Variants in TACR3 observed in about 807,000 individuals in gnomAD.
TACR3 encodes tachykinin receptor 3, also known as neuromedin-K receptor.
In TACR3, 34 loss-of-function variants were observed where a neutral mutation model predicts 35.0. That is an observed-to-expected ratio of 0.97 (90% CI 0.74 to 1.30). The LOEUF is 1.30. Among genes scored for constraint, TACR3 ranks in the 50% most tolerant of loss-of-function variants. The pLI, the probability that TACR3 is intolerant of heterozygous loss-of-function variation, is 0.00. For synonymous variants in TACR3, 233 were observed against 221.1 expected, an observed-to-expected ratio of 1.05 and a Z score of -0.48; for missense variants, 558 against 591.7, an observed-to-expected ratio of 0.94 and a Z score of 0.59.
chr4:103,630,514 G>T (rs1725033205), intron 3 of TACR3, among the ~76,000 whole-genome samples: 1 of 152,092 alleles, frequency 6.6e-6, no homozygotes, highest in South Asian at 2.1e-4. Context: ...TCAAAAAGTG[G>T]GCAAGGGATA....
At chr4:103,710,515 A>G (rs1722920766) in intron 1 of TACR3, among the ~76,000 whole-genome samples, 1 of 152,176 alleles carries the variant, frequency 6.6e-6, no homozygotes, top group Non-Finnish European at 1.5e-5. Context: ...AATTTATACC[A>G]CTAAATGCCC....
At position 103,602,448 on chromosome 4, in the gene TACR3, G is replaced by A. The variant is rs185287044; in HGVS notation, c.889-10765C>T. On this transcript the variant is annotated intron_variant, in intron 3 of 4. Coordinates refer to ENST00000304883, the MANE Select transcript of TACR3 (RefSeq NM_001059.3). ...GGTGAGGAGCTGTGTTCCTTTGGAGGAGGAGAGGTGCTCTGCTTTTTAGAG... is the reference window on the plus strand; with the variant it reads ...GGTGAGGAGCTGTGTTCCTTTGGAGAAGGAGAGGTGCTCTGCTTTTTAGAG... 4.0e-4 allele frequency among the ~76,000 whole-genome samples: 60 copies of A among 151,872 alleles called. No individual in the cohort carries two copies. The East Asian group carries it at 0.011, about 29-fold the overall frequency.
chr4:103,603,678 G>T (rs564507118), intron 3 of TACR3, among the ~76,000 whole-genome samples: 5 of 152,152 alleles, frequency 3.3e-5, no homozygotes, highest in African/African-American at 9.7e-5. Context: ...AATCCTTTGG[G>T]TATATACCCA....
chr4:103,627,352 T>TAAAAATACAAAAAA (rs1271100817), intron 3 of TACR3, among the ~76,000 whole-genome samples: 2 of 82,490 alleles, frequency 2.4e-5, no homozygotes, highest in African/African-American at 9.6e-5. Flanking sequence ...GTGTTTCCAT[T>TAAAAATACAAAAAA]AAAAAAAAAA....
At chr4:103,607,449 ATAT>A (rs1315499891) in intron 3 of TACR3, among the ~76,000 whole-genome samples, 5 of 151,888 alleles carry the variant, frequency 3.3e-5, no homozygotes, top group African/African-American at 1.2e-4. Flanking sequence ...GAATTCAAAA[ATAT>A]TATTTAAAAT....
At chr4:103,634,019 G>T (rs1327445767) in intron 3 of TACR3, among the ~76,000 whole-genome samples, 2 of 152,090 alleles carry the variant, frequency 1.3e-5, no homozygotes, top group South Asian at 4.1e-4. Context: ...GAAGCTAAAA[G>T]ATTACACATG....
At chr4:103,607,195 TG>T (rs1286749020) in intron 3 of TACR3, among the ~76,000 whole-genome samples, 17 of 151,576 alleles carry the variant, frequency 1.1e-4, no homozygotes, top group African/African-American at 4.2e-4. Context: ...ACTTATCTTT[TG>T]TAACAGATAT....
At chr4:103,619,102 A>C (rs1232478567) in intron 3 of TACR3, among the ~76,000 whole-genome samples, 1 of 151,598 alleles carries the variant, frequency 6.6e-6, no homozygotes, top group East Asian at 1.9e-4. Context: ...AAAGTTGCTG[A>C]AAGTGTTTAT....
intron 1 of TACR3, among the ~76,000 whole-genome samples, chr4:103,705,985 G>T (rs1722778250): frequency 6.6e-6 from 1 of 152,120 alleles, no homozygotes. Flanking sequence ...GTTGCAATAT[G>T]AACACATTAG....
At chr4:103,662,819 A>G (rs542104960) in intron 1 of TACR3, among the ~76,000 whole-genome samples, 13 of 152,324 alleles carry the variant, frequency 8.5e-5, no homozygotes, top group African/African-American at 3.1e-4. Context: ...TAAGACAAGG[A>G]AAGAGTCCCC....
At position 103,618,465 on chromosome 4, in the gene TACR3, C is replaced by G. The variant is rs187974878; in HGVS notation, c.889-26782G>C. On this transcript the variant is annotated intron_variant, in intron 3 of 4. Coordinates refer to ENST00000304883, the MANE Select transcript of TACR3 (RefSeq NM_001059.3). ...TGTCTGCTTTTGTACCAGTGCCAAA[C>G]TGTTTTGGTTACTGTGGCTTTATAG... Among the ~76,000 whole-genome samples, 51 of 150,492 alleles carry G rather than the reference C, an allele frequency of 3.4e-4. No homozygotes were observed. In the East Asian group the frequency reaches 8.1e-3, roughly 24 times the overall value.
intron 1 of TACR3, among the ~76,000 whole-genome samples, chr4:103,718,057 A>G (rs983938349): frequency 2.0e-5 from 3 of 152,344 alleles, no homozygotes; most frequent in Admixed American, 2.0e-4. Context: ...CTCAGTGCTC[A>G]GTATTTCAAA....
intron 1 of TACR3, among the ~76,000 whole-genome samples, chr4:103,666,501 T>C (rs897599282): frequency 6.6e-6 from 1 of 152,188 alleles, no homozygotes; most frequent in Admixed American, 6.5e-5. Flanking sequence ...ATAAATTTTC[T>C]ATTTTAACAA....
intron 3 of TACR3, among the ~76,000 whole-genome samples, chr4:103,607,674 A>G (rs1245906391): frequency 6.6e-6 from 1 of 152,118 alleles, no homozygotes; most frequent in Non-Finnish European, 1.5e-5. Context: ...GACTTCAAAT[A>G]TACATTTTAG....
chr4:103,689,946 C>A (rs919532986), intron 1 of TACR3, among the ~76,000 whole-genome samples: 1 of 151,998 alleles, frequency 6.6e-6, no homozygotes, highest in Non-Finnish European at 1.5e-5. Context: ...AACAAAATAT[C>A]CTTGCAGTTG....
In TACR3 at chr4:103,674,801, C is replaced by T. The variant is rs184325054; in HGVS notation, c.549-16398G>A. ...TCTTGACCTCATGATCTGCCTGCCT[C>T]GGCCTTCCAAAGTGCTGGGATTACA... On this transcript the variant is annotated intron_variant, in intron 1 of 4. Coordinates refer to ENST00000304883, the MANE Select transcript of TACR3 (RefSeq NM_001059.3). 9.2e-3 allele frequency among the ~76,000 whole-genome samples: 1,400 copies of T among 152,294 alleles called. 13 individuals are homozygous for T. The highest frequency in any genetic ancestry group is 0.027 in the Middle Eastern group (8 of 294).
At chr4:103,676,117 G>A (rs1726165177) in intron 1 of TACR3, among the ~76,000 whole-genome samples, 1 of 152,064 alleles carries the variant, frequency 6.6e-6, no homozygotes, top group Admixed American at 6.6e-5. Context: ...GCTACGAGAG[G>A]AAAAAGATAC....
intron 1 of TACR3, among the ~76,000 whole-genome samples, chr4:103,702,147 C>T (rs568454686): frequency 7.2e-5 from 11 of 152,284 alleles, no homozygotes; most frequent in African/African-American, 2.6e-4. Context: ...TCGCAACTTA[C>T]TCATCTGACA....
intron 3 of TACR3, among the ~76,000 whole-genome samples, chr4:103,602,174 G>A (rs959206871): frequency 2.0e-5 from 3 of 151,858 alleles, no homozygotes; most frequent in African/African-American, 7.3e-5. Flanking sequence ...CCAGTTGATC[G>A]CATCGGCTAC....
Sources: gnomAD v4.1 joint callset for allele counts (sites outside exome capture counted in the v4.1 genomes callset) on GRCh38, gnomAD v4.1.1 for gene constraint, MANE v1.5 for transcripts, NCBI Gene and HGNC (gene_info 2026-07-23, HGNC 2026-07-21) for gene names.